CCNT2: variants seen among roughly 807,000 people sequenced by gnomAD.
CCNT2 encodes the protein cyclin-T2.
A neutral mutation model predicts 70.0 loss-of-function variants in CCNT2; 18 were observed. The ratio of observed to expected loss-of-function variants is 0.26; its 90% confidence interval spans 0.18 to 0.38. The LOEUF (loss-of-function observed/expected upper bound fraction) is 0.38, where lower values mean the gene tolerates loss of function less well. Ranked by LOEUF, CCNT2 falls within the 10% of genes least tolerant of loss-of-function variation. CCNT2 has a pLI of 1.00. For synonymous variants in CCNT2, 334 were observed against 313.3 expected (o/e 1.07, Z -0.70); for missense variants, 734 against 890.2 (o/e 0.82, Z 2.23).
At chr2:134,944,931 G>A in intron 5 of CCNT2, 1 of 985,078 alleles carries the variant, frequency 1.0e-6, no homozygotes, top group Non-Finnish European at 1.2e-6. Flanking sequence ...GGAGGGGGAG[G>A]GGAAAATAAA....
chr2:134,929,877 C>G (rs1425561306), intron 2 of CCNT2, among the ~76,000 whole-genome samples: 4 of 151,760 alleles, frequency 2.6e-5, no homozygotes, highest in Middle Eastern at 3.4e-3. Context: ...TCTCGAACTC[C>G]TGACTTCAAG....
intron 8 of CCNT2, 137 bp downstream of exon 8, chr2:134,952,848 T>G (rs755157486): frequency 3.1e-5 from 20 of 647,930 alleles, no homozygotes; most frequent in Non-Finnish European, 5.4e-5. Flanking sequence ...TTACATATAC[T>G]CACATATTCA....
chr2:134,952,042 T>C (rs540911945), intron 7 of CCNT2, among the ~76,000 whole-genome samples: 11 of 152,188 alleles, frequency 7.2e-5, no homozygotes, highest in South Asian at 2.1e-4. Flanking sequence ...GTCGAAGTTA[T>C]CCATTTTGAG....
At position 134,955,161 on chromosome 2, in the gene CCNT2, A is replaced by C. The variant is rs1294259545; in HGVS notation, c.*513A>C. On this transcript the variant is annotated 3_prime_UTR_variant, in exon 9 of 9. Coordinates refer to ENST00000264157, the MANE Select transcript of CCNT2 (RefSeq NM_058241.3). ...TTTTGTATGTTTAGATATTACCGTAAATACTCAGGATTGGAGCTGCTTGTA... is the reference window on the plus strand; with the variant it reads ...TTTTGTATGTTTAGATATTACCGTACATACTCAGGATTGGAGCTGCTTGTA... The C allele has an allele frequency of 6.4e-6, 1 of 155,242 alleles. No homozygotes were observed. The highest frequency in any genetic ancestry group is 1.4e-5 in the Non-Finnish European group (1 of 69,614). 9.6% of individuals were successfully genotyped at this position (155,242 alleles called of 1,614,324 possible).
At chr2:134,921,015 T>C (rs903715750) in intron 2 of CCNT2, among the ~76,000 whole-genome samples, 3 of 152,228 alleles carry the variant, frequency 2.0e-5, no homozygotes, top group Non-Finnish European at 2.9e-5. Flanking sequence ...TAAATCTGCA[T>C]AATTCTTGCT....
At chr2:134,950,706 A>T (rs572059362) in intron 7 of CCNT2, among the ~76,000 whole-genome samples, 23 of 152,354 alleles carry the variant, frequency 1.5e-4, no homozygotes, top group East Asian at 9.6e-4. Context: ...CTTATTACTT[A>T]CTGAAATAAT....
chr2:134,934,246 A>G (rs149713759), intron 2 of CCNT2, among the ~76,000 whole-genome samples: 1 of 152,330 alleles, frequency 6.6e-6, no homozygotes, highest in East Asian at 1.9e-4. Flanking sequence ...AACTAGGTCC[A>G]AAATACAAAA....
chr2:134,954,735 C>T lies in CCNT2; in HGVS notation c.*87C>T. ...ATTCCTTCTGATCTAGCAGTGGTAA[C>T]CCCTGCTGTTGCTGCCACTGCTTCA... On this transcript the variant is annotated 3_prime_UTR_variant, in exon 9 of 9. Transcript: ENST00000264157. 3 of 799,274 alleles carry T rather than the reference C, an allele frequency of 3.8e-6. No individual in the cohort carries two copies. The highest frequency in any genetic ancestry group is 6.2e-6 in the Non-Finnish European group (3 of 487,176). The allele number at this position is 799,274 out of a possible 1,614,324, so 49.5% of individuals were successfully genotyped here.
chr2:134,925,988 C>A (rs575531028), intron 2 of CCNT2, among the ~76,000 whole-genome samples: 4 of 151,730 alleles, frequency 2.6e-5, no homozygotes, highest in African/African-American at 9.7e-5. Context: ...ACCTTAGCCT[C>A]CCAAGTAGCT....
At position 134,953,249 on chromosome 2, in the gene CCNT2, A is replaced by G. The variant is rs746282404; in HGVS notation, c.794A>G (p.Lys265Arg). The G allele has an allele frequency of 6.2e-7, 1 of 1,607,434 alleles. No homozygotes were observed. Among genetic ancestry groups the G allele is most frequent in the East Asian group, 2.2e-5 (1 of 44,706 alleles). ...TAATAGGCTAATCAGGCAGCTAGGA[A>G]ACCAAAAGTAGATGGACAGGTATCA... is the stretch of plus-strand genomic sequence containing the variant. ...RNWRANQAAR[K>R]PKVDGQVSET... The change falls in exon 9 of 9, where the codon AAA (lysine) becomes AGA (arginine). Residue 265 changes from lysine (K) to arginine (R), a missense_variant. Physicochemically the swap from Lys to Arg is conservative, Grantham distance 26. Transcript: ENST00000264157.
intron 3 of CCNT2, 110 bp from the exon 4 acceptor site, chr2:134,938,892 T>G: frequency 1.6e-6 from 1 of 639,770 alleles, no homozygotes; most frequent in East Asian, 3.0e-5. Context: ...ATTTTCAAAC[T>G]ACTGTGGTTC....
intron 1 of CCNT2, 144 bp downstream of exon 1, chr2:134,919,156 C>T (rs1245458694): frequency 1.8e-5 from 17 of 922,030 alleles, no homozygotes; most frequent in Non-Finnish European, 2.7e-5. Context: ...CCGGCTCGGG[C>T]AGTCGCGAGG....
At chr2:134,924,483 C>G (rs1559088751) in intron 2 of CCNT2, among the ~76,000 whole-genome samples, 1 of 152,036 alleles carries the variant, frequency 6.6e-6, no homozygotes, top group Non-Finnish European at 1.5e-5. Flanking sequence ...GGAGTCTGGT[C>G]TTGTCGCCCA....
chr2:134,947,363 C>T (rs776565232), intron 6 of CCNT2, among the ~76,000 whole-genome samples: 3 of 152,144 alleles, frequency 2.0e-5, no homozygotes, highest in Non-Finnish European at 4.4e-5. Context: ...TTTCCATTTA[C>T]ATATTTACCA....
intron 4 of CCNT2, 85 bp from the exon 5 acceptor site, chr2:134,942,523 TAATG>T: frequency 4.2e-6 from 3 of 716,366 alleles, no homozygotes; most frequent in East Asian, 3.2e-5. Flanking sequence ...TTTTTCTTAA[TAATG>T]AAGAATATAT....
chr2:134,931,262 CTTTTTTTTT>C (rs112471982), intron 2 of CCNT2, among the ~76,000 whole-genome samples: 2,294 of 42,544 alleles, frequency 0.054, 184 homozygotes, highest in African/African-American at 0.17. Context: ...ATGCCCGGAT[CTTTTTTTTT>C]TTTTTTTTTT....
intron 2 of CCNT2, among the ~76,000 whole-genome samples, chr2:134,931,964 A>C (rs898397002): frequency 6.6e-6 from 1 of 152,048 alleles, no homozygotes; most frequent in Non-Finnish European, 1.5e-5. Context: ...TGAAATACTA[A>C]GTATACTTTA....
At position 134,923,475 on chromosome 2, in the gene CCNT2, A is replaced by G. The variant is rs565574242; in HGVS notation, c.240+3584A>G. Among the ~76,000 whole-genome samples, 9 of 152,282 alleles carry G rather than the reference A, an allele frequency of 5.9e-5. No individual in the cohort carries two copies. In the South Asian group the frequency reaches 1.7e-3, roughly 28 times the overall value. On this transcript the variant is annotated intron_variant, in intron 2 of 8. Coordinates refer to ENST00000264157, the MANE Select transcript of CCNT2 (RefSeq NM_058241.3). Reference sequence around the variant, plus strand: ...TAATAAAGCAATAATTAATCCAACAATAATCTTATGCCCAAGATCCATTAG... The same window carrying G: ...TAATAAAGCAATAATTAATCCAACAGTAATCTTATGCCCAAGATCCATTAG...
intron 6 of CCNT2, 165 bp downstream of exon 6, chr2:134,946,311 T>C: frequency 1.7e-6 from 2 of 1,193,972 alleles, no homozygotes; most frequent in South Asian, 1.6e-5. Context: ...CAAGGGACTT[T>C]GGGCACAGAG....
Sources: gnomAD v4.1 joint callset for allele counts (sites outside exome capture counted in the v4.1 genomes callset) on GRCh38, gnomAD v4.1.1 for gene constraint, MANE v1.5 for transcripts, NCBI Gene and HGNC (gene_info 2026-07-23, HGNC 2026-07-21) for gene names.